Variants in CRACD observed in about 807,000 individuals in gnomAD.
CRACD encodes capping protein-inhibiting regulator of actin dynamics.
A neutral mutation model predicts 106.8 loss-of-function variants in CRACD; 56 were observed. The ratio of observed to expected loss-of-function variants is 0.52; its 90% CI spans 0.42 to 0.66. The LOEUF (loss-of-function observed/expected upper bound fraction) is 0.66, where lower values mean the gene tolerates loss of function less well. CRACD is among the 30% of genes least tolerant of loss of function. The pLI is 0.00. For missense variants in CRACD, 1,730 were observed against 1,623.2 expected, an observed-to-expected ratio of 1.07 and a Z score of -1.13; for synonymous variants, 754 against 670.8, an observed-to-expected ratio of 1.12 and a Z score of -1.92.
intron 2 of CRACD, among the ~76,000 whole-genome samples, chr4:56,204,187 AC>A (rs1406191714): frequency 8.5e-5 from 13 of 152,150 alleles, no homozygotes; most frequent in Admixed American, 3.3e-4. Flanking sequence ...GCAAGGAACA[AC>A]CTGGTTGGTC....
chr4:56,274,352 A>G lies in CRACD; in HGVS notation c.-17+1860A>G, dbSNP rs73163609. 1.5e-3 allele frequency among the ~76,000 whole-genome samples: 225 copies of G among 152,328 alleles called. 2 individuals carry two copies. Among genetic ancestry groups the G allele is most frequent in the African/African-American group, 5.2e-3 (218 of 41,568 alleles). The stretch of plus-strand genomic sequence containing the variant: ...TAATACAAAATGAGGTCAAGTCTGG[A>G]AAGTTCTCCCTTAGAGGGACAGTTC... On this transcript the variant is annotated intron_variant, in intron 3 of 10. Transcript: ENST00000682029.
At chr4:56,260,374 C>T (rs1303074844) in intron 2 of CRACD, among the ~76,000 whole-genome samples, 1 of 152,150 alleles carries the variant, frequency 6.6e-6, no homozygotes, top group Non-Finnish European at 1.5e-5. Context: ...AGGTGGGATA[C>T]TTGTATCTTG....
chr4:56,252,362 T>C (rs572042902), intron 2 of CRACD, among the ~76,000 whole-genome samples: 4 of 152,272 alleles, frequency 2.6e-5, no homozygotes, highest in South Asian at 2.1e-4. Flanking sequence ...GATTTTTTTT[T>C]CCCCTAACAG....
At chr4:56,081,200 C>A (rs1302337006) in intron 1 of CRACD, among the ~76,000 whole-genome samples, 1 of 152,088 alleles carries the variant, frequency 6.6e-6, no homozygotes, top group African/African-American at 2.4e-5. Context: ...ACAATTTGCA[C>A]GTAGTACTAC....
chr4:56,242,090 T>G (rs1467371038), intron 2 of CRACD, among the ~76,000 whole-genome samples: 1 of 152,208 alleles, frequency 6.6e-6, no homozygotes, highest in African/African-American at 2.4e-5. Flanking sequence ...CTAGTTTGTA[T>G]GCCTATGGAG....
intron 1 of CRACD, among the ~76,000 whole-genome samples, chr4:56,149,999 A>C (rs1323712732): frequency 6.6e-6 from 1 of 152,246 alleles, no homozygotes; most frequent in Non-Finnish European, 1.5e-5. Context: ...TTGTTCAAGT[A>C]GTCAACAATG....
chr4:56,310,929 A>T, intron 6 of CRACD, 195 bp downstream of exon 6: 1 of 565,156 alleles, frequency 1.8e-6, no homozygotes, highest in Non-Finnish European at 3.2e-6. Flanking sequence ...AACTGCTGGA[A>T]CTGAACTCTG....
At chr4:56,119,161 AC>A (rs1217297565) in intron 1 of CRACD, among the ~76,000 whole-genome samples, 7 of 152,190 alleles carry the variant, frequency 4.6e-5, no homozygotes, top group Non-Finnish European at 7.3e-5. Context: ...TCTCCAAAAA[AC>A]ACGGCAGAGT....
intron 2 of CRACD, among the ~76,000 whole-genome samples, chr4:56,203,153 A>G (rs1737961774): frequency 6.6e-6 from 1 of 152,248 alleles, no homozygotes; most frequent in Non-Finnish European, 1.5e-5. Context: ...TCACATTATT[A>G]AAGAAGACAG....
chr4:56,233,508 A>G (rs1739770137), intron 2 of CRACD, among the ~76,000 whole-genome samples: 3 of 152,174 alleles, frequency 2.0e-5, no homozygotes, highest in Admixed American at 2.0e-4. Context: ...CAGTATATAC[A>G]TGAGCTGGAC....
At chr4:56,243,135 A>T (rs993708151) in intron 2 of CRACD, among the ~76,000 whole-genome samples, 1 of 152,210 alleles carries the variant, frequency 6.6e-6, no homozygotes, top group African/African-American at 2.4e-5. Flanking sequence ...ATTCCCCTAC[A>T]GTGGGCTGTG....
intron 1 of CRACD, among the ~76,000 whole-genome samples, chr4:56,141,883 G>A (rs1473485273): frequency 6.6e-6 from 1 of 151,032 alleles, no homozygotes; most frequent in Non-Finnish European, 1.5e-5. Context: ...TATAGAGATG[G>A]GAGTCTCACT....
intron 2 of CRACD, among the ~76,000 whole-genome samples, chr4:56,268,956 G>T (rs192607669): frequency 1.1e-4 from 16 of 152,238 alleles, no homozygotes; most frequent in Admixed American, 7.2e-4. Context: ...CCAATGAAAA[G>T]ATACAAACAT....
chr4:56,115,105 A>G (rs531372592), intron 1 of CRACD, among the ~76,000 whole-genome samples: 1 of 152,290 alleles, frequency 6.6e-6, no homozygotes, highest in South Asian at 2.1e-4. Flanking sequence ...GAGCAGTGAC[A>G]TTTGAACTGA....
intron 1 of CRACD, among the ~76,000 whole-genome samples, chr4:56,132,189 A>G (rs77221484): frequency 0.018 from 2,710 of 152,144 alleles, 43 homozygotes; most frequent in East Asian, 0.066. Context: ...TACCACAGGC[A>G]TGTGCCTGGC....
intron 10 of CRACD, among the ~76,000 whole-genome samples, chr4:56,325,124 C>T (rs921421960): frequency 6.6e-6 from 1 of 152,092 alleles, no homozygotes; most frequent in Admixed American, 6.6e-5. Flanking sequence ...TGCTTGAGCC[C>T]AGGAGTTCGA....
chr4:56,199,366 T>C (rs1211631060), intron 2 of CRACD, among the ~76,000 whole-genome samples: 1 of 152,146 alleles, frequency 6.6e-6, no homozygotes, highest in Non-Finnish European at 1.5e-5. Context: ...ATCAGCAAGT[T>C]AATTTAGGTG....
chr4:56,278,084 G>A (rs514803), intron 3 of CRACD, among the ~76,000 whole-genome samples: 113,349 of 151,840 alleles, frequency 0.75, 42,917 homozygotes, highest in African/African-American at 0.88. Flanking sequence ...GTACTCCCCA[G>A]ATTGAGCTAC....
At chr4:56,260,590 T>G (rs1218257551) in intron 2 of CRACD, among the ~76,000 whole-genome samples, 1 of 152,176 alleles carries the variant, frequency 6.6e-6, no homozygotes, top group East Asian at 1.9e-4. Flanking sequence ...ATTTTATAGG[T>G]GTAATGAAAG....
Sources: gnomAD v4.1 joint callset for allele counts (sites outside exome capture counted in the v4.1 genomes callset) on GRCh38, gnomAD v4.1.1 for gene constraint, MANE v1.5 for transcripts, NCBI Gene and HGNC (gene_info 2026-07-23, HGNC 2026-07-21) for gene names.